PLCB4: variants seen among roughly 807,000 people sequenced by gnomAD.
PLCB4 encodes the protein phospholipase C beta 4.
Under a neutral mutation model 178.8 loss-of-function variants are expected in PLCB4, and 77 were observed. The ratio of observed to expected loss-of-function variants is 0.43; its 90% CI spans 0.36 to 0.52. The LOEUF is 0.52. Among genes scored for constraint, PLCB4 ranks in the 20% least tolerant of loss-of-function variants. The probability of loss-of-function intolerance (pLI) is 0.00; values close to 1 mark genes in which losing one functional copy is unlikely to be tolerated. For synonymous variants in PLCB4, 496 were observed against 490.8 expected (o/e 1.01, Z -0.14); for missense variants, 1,024 against 1,453.4 (o/e 0.70, Z 4.80).
Position 9,390,622 on chromosome 20 carries a change from ATT to A in PLCB4, c.1323+11_1323+12del. ...AGCACTTGAATCACATCCAGTATGT[ATT>A]TTTAACAAACCATATTTCTAGCATG... On this transcript the variant is annotated splice_region_variant and intron_variant, in intron 17 of 39. Transcript: ENST00000378473. The A allele has an allele frequency of 1.5e-6, 2 of 1,378,838 alleles. No individual in the cohort carries two copies. Among genetic ancestry groups the A allele is most frequent in the Non-Finnish European group, 2.1e-6 (2 of 966,282 alleles). The allele number at this position is 1,378,838 out of a possible 1,614,324, so 85.4% of individuals were successfully genotyped here.
In PLCB4 at chr20:9,329,366, A is replaced by G. The variant is rs6056553; in HGVS notation, c.85-7760A>G. Among the ~76,000 whole-genome samples the G allele has an allele frequency of 4.0e-3, 613 of 152,292 alleles. 5 individuals carry two copies. Among genetic ancestry groups the G allele is most frequent in the African/African-American group, 0.013 (538 of 41,560 alleles). On this transcript the variant is annotated intron_variant, in intron 4 of 39. Transcript: ENST00000378473. Reference sequence around the variant, plus strand: ...GCCTAATAATTTCTTTCTAGCTCCTATATCAATAATAAAAATGGTACCTCC... The same window carrying G: ...GCCTAATAATTTCTTTCTAGCTCCTGTATCAATAATAAAAATGGTACCTCC...
chr20:9,226,991 A>T (rs1368598346), intron 3 of PLCB4, among the ~76,000 whole-genome samples: 1 of 151,618 alleles, frequency 6.6e-6, no homozygotes, highest in African/African-American at 2.4e-5. Context: ...TGTTTTTTTT[A>T]AATTAGAGCT....
intron 18 of PLCB4, 24 bp from the exon 19 acceptor site, chr20:9,395,499 C>T: frequency 6.5e-7 from 1 of 1,544,870 alleles, no homozygotes; most frequent in South Asian, 1.1e-5. Flanking sequence ...CTGTCACCAT[C>T]TCTTTGCGTG....
intron 2 of PLCB4, among the ~76,000 whole-genome samples, chr20:9,108,488 G>A (rs758381947): frequency 4.6e-5 from 7 of 152,094 alleles, no homozygotes; most frequent in Non-Finnish European, 1.0e-4. Flanking sequence ...GATGAGGACT[G>A]AAATTTGACT....
intron 1 of PLCB4, among the ~76,000 whole-genome samples, chr20:9,083,639 C>T (rs1051128279): frequency 3.3e-5 from 5 of 152,086 alleles, no homozygotes; most frequent in African/African-American, 9.7e-5. Flanking sequence ...TACGACCATT[C>T]GATACTAAGA....
intron 4 of PLCB4, among the ~76,000 whole-genome samples, chr20:9,322,582 G>T (rs959498934): frequency 6.6e-6 from 1 of 152,208 alleles, no homozygotes; most frequent in Non-Finnish European, 1.5e-5. Context: ...AGGACAGCAT[G>T]CTGGCACCTC....
chr20:9,132,354 T>C (rs963570906), intron 2 of PLCB4, among the ~76,000 whole-genome samples: 2 of 152,082 alleles, frequency 1.3e-5, no homozygotes, highest in Admixed American at 6.6e-5. Context: ...CAACTGAATG[T>C]CATGCAGTAT....
At chr20:9,322,268 T>G (rs1239094310) in intron 4 of PLCB4, among the ~76,000 whole-genome samples, 1 of 152,016 alleles carries the variant, frequency 6.6e-6, no homozygotes, top group East Asian at 1.9e-4. Context: ...CCCTAGTCTT[T>G]AATTTTTGAG....
chr20:9,191,645 C>T (rs1419315228), intron 2 of PLCB4, among the ~76,000 whole-genome samples: 2 of 152,018 alleles, frequency 1.3e-5, no homozygotes, highest in Non-Finnish European at 2.9e-5. Context: ...CTAGTCCTAC[C>T]AGTTATATGG....
chr20:9,224,474 G>T (rs2093839183), intron 3 of PLCB4, among the ~76,000 whole-genome samples: 1 of 152,156 alleles, frequency 6.6e-6, no homozygotes, highest in Non-Finnish European at 1.5e-5. Flanking sequence ...AACCCCAGCT[G>T]TTCTCCTCTC....
At chr20:9,223,138 A>G (rs2093819927) in intron 3 of PLCB4, among the ~76,000 whole-genome samples, 1 of 152,180 alleles carries the variant, frequency 6.6e-6, no homozygotes, top group African/African-American at 2.4e-5. Context: ...TGGGAAAAAA[A>G]TCTATATATG....
intron 3 of PLCB4, among the ~76,000 whole-genome samples, chr20:9,301,009 C>G (rs1474707924): frequency 6.6e-6 from 1 of 151,776 alleles, no homozygotes; most frequent in African/African-American, 2.4e-5. Context: ...CCTATTTCAC[C>G]TTCTGGTGGC....
chr20:9,149,319 GT>G (rs2092651762), intron 2 of PLCB4, among the ~76,000 whole-genome samples: 1 of 152,080 alleles, frequency 6.6e-6, no homozygotes, highest in South Asian at 2.1e-4. Flanking sequence ...TATCCCACCT[GT>G]TAGGGAAGAT....
intron 2 of PLCB4, among the ~76,000 whole-genome samples, chr20:9,114,087 G>A (rs535927432): frequency 2.5e-3 from 378 of 152,170 alleles, no homozygotes; most frequent in Admixed American, 3.8e-3. Flanking sequence ...GGTGGTGCAC[G>A]CCTGTAATCC....
intron 12 of PLCB4, among the ~76,000 whole-genome samples, chr20:9,378,513 C>T (rs1394902254): frequency 2.0e-5 from 3 of 152,066 alleles, no homozygotes; most frequent in African/African-American, 4.8e-5. Flanking sequence ...CTCCATTGCA[C>T]GATGGCATCA....
Position 9,411,058 on chromosome 20 carries a change from A to C in PLCB4, c.2021A>C (p.Gln674Pro). 6.2e-7 allele frequency: 1 copy of C among 1,611,860 alleles called. No homozygotes were observed. The highest frequency in any genetic ancestry group is 8.5e-7 in the Non-Finnish European group (1 of 1,178,024). Residue 674 changes from glutamine (Q) to proline (P), a missense_variant, in exon 25 of 40, where the codon CAG (glutamine) becomes CCG (proline). This residue lies in a region of PLCB4 where 227 missense variants were observed against 374.3 expected (regional missense o/e 0.61). Transcript: ENST00000378473. ...QTPDLAMQLN[Q>P]GKFEYNGSCG... ...ACAGATTTAGCGATGCAATTGAATC[A>C]GGGAAAATTTGAGTATAATGGATCG...
At chr20:9,155,840 A>T (rs958038568) in intron 2 of PLCB4, among the ~76,000 whole-genome samples, 5 of 152,126 alleles carry the variant, frequency 3.3e-5, no homozygotes, top group African/African-American at 1.2e-4. Flanking sequence ...AACCTCATAG[A>T]CTATACCTAC....
intron 3 of PLCB4, among the ~76,000 whole-genome samples, chr20:9,282,747 GT>G (rs143898359): frequency 0.035 from 5,260 of 152,068 alleles, 334 homozygotes; most frequent in African/African-American, 0.12. Flanking sequence ...TTGTTGAGTG[GT>G]TTTTCTGGCC....
intron 3 of PLCB4, among the ~76,000 whole-genome samples, chr20:9,227,515 G>T (rs954462488): frequency 2.0e-5 from 3 of 152,058 alleles, no homozygotes; most frequent in Admixed American, 2.0e-4. Flanking sequence ...TGAGGTAGGG[G>T]TCTAATTTCA....
Sources: gnomAD v4.1 joint callset for allele counts (sites outside exome capture counted in the v4.1 genomes callset) on GRCh38, gnomAD v4.1.1 for gene constraint, gnomAD v4.1.1 regional missense constraint, MANE v1.5 for transcripts, NCBI Gene and HGNC (gene_info 2026-07-23, HGNC 2026-07-21) for gene names.